The following LYPLAL1 variants were observed in gnomAD, a reference collection of about 807,000 sequenced individuals.
LYPLAL1 encodes lysophospholipase like 1.
A neutral mutation model predicts 19.7 loss-of-function variants in LYPLAL1; 23 were observed. The ratio of observed to expected loss-of-function variants is 1.17; its 90% CI spans 0.84 to 1.65. The LOEUF is 1.65. Ranked by LOEUF, LYPLAL1 falls within the 40% of genes most tolerant of loss-of-function variation. The probability of loss-of-function intolerance (pLI) is 0.00; values close to 1 mark genes in which losing one functional copy is unlikely to be tolerated. For missense variants in LYPLAL1, 355 were observed against 279.4 expected (o/e 1.27, Z -1.93); for synonymous variants, 119 against 96.3 (o/e 1.24, Z -1.38).
the LYPLAL1 span, among the ~76,000 whole-genome samples, chr1:219,258,772 G>A: frequency 2.0e-5 from 3 of 151,994 alleles, no homozygotes; most frequent in Admixed American, 1.3e-4. Context: ...AAATAGATGG[G>A]CCTTAATTAA....
chr1:219,359,449 G>T, the LYPLAL1 span, among the ~76,000 whole-genome samples: 33 of 152,192 alleles, frequency 2.2e-4, no homozygotes, highest in African/African-American at 7.9e-4. Flanking sequence ...TCAGACAAGC[G>T]GTTTTCTTGT....
At chr1:219,216,562 CTAGCGGGAACA>C (rs1412851222), downstream of LYPLAL1, among the ~76,000 whole-genome samples, 3 of 152,136 alleles carry the variant, frequency 2.0e-5, no homozygotes, top group Non-Finnish European at 4.4e-5. Flanking sequence ...TACACTATAG[CTAGCGGGAACA>C]CAAACTTCTC....
At chr1:219,260,909 A>T in the LYPLAL1 span, among the ~76,000 whole-genome samples, 1 of 151,864 alleles carries the variant, frequency 6.6e-6, no homozygotes, top group Non-Finnish European at 1.5e-5. Context: ...TTAAAAGGTG[A>T]TTCTCTTCTT....
the LYPLAL1 span, among the ~76,000 whole-genome samples, chr1:219,284,130 T>G: frequency 2.6e-5 from 4 of 152,234 alleles, no homozygotes; most frequent in Non-Finnish European, 4.4e-5. Flanking sequence ...CCTTCTGCCA[T>G]GTAAGACATG....
chr1:219,310,879 G>A, the LYPLAL1 span, among the ~76,000 whole-genome samples: 1 of 152,200 alleles, frequency 6.6e-6, no homozygotes, highest in African/African-American at 2.4e-5. Context: ...ACTCTTAGTA[G>A]CCTCCAATTC....
the LYPLAL1 span, among the ~76,000 whole-genome samples, chr1:219,232,861 A>AT: frequency 2.5e-5 from 3 of 120,000 alleles, no homozygotes; most frequent in East Asian, 3.3e-4. Context: ...GATGGCTACT[A>AT]TTTAAAAAAA....
the LYPLAL1 span, among the ~76,000 whole-genome samples, chr1:219,402,024 GA>G: frequency 6.6e-6 from 1 of 152,160 alleles, no homozygotes; most frequent in African/African-American, 2.4e-5. Context: ...ATTTCTAAGA[GA>G]AATGTACCCA....
At chr1:219,394,505 C>A in the LYPLAL1 span, among the ~76,000 whole-genome samples, 1 of 152,174 alleles carries the variant, frequency 6.6e-6, no homozygotes, top group African/African-American at 2.4e-5. Flanking sequence ...TTCTCCTAAC[C>A]CCTGGCAGCT....
chr1:219,255,641 A>C, the LYPLAL1 span, among the ~76,000 whole-genome samples: 1 of 151,836 alleles, frequency 6.6e-6, no homozygotes, highest in African/African-American at 2.4e-5. Flanking sequence ...GTTGCACAGG[A>C]GTGACAAGAG....
At chr1:219,411,995 A>G in the LYPLAL1 span, 2 of 152,670 alleles carry the variant, frequency 1.3e-5, no homozygotes, top group African/African-American at 4.8e-5. Context: ...GAATGTGCTT[A>G]GGAGAAGTAT....
At chr1:219,310,115 G>A in the LYPLAL1 span, among the ~76,000 whole-genome samples, 1 of 152,174 alleles carries the variant, frequency 6.6e-6, no homozygotes, top group Non-Finnish European at 1.5e-5. Context: ...TACTGATGGA[G>A]TGAACACTCC....
the LYPLAL1 span, among the ~76,000 whole-genome samples, chr1:219,229,275 T>C: frequency 6.9e-6 from 1 of 144,024 alleles, no homozygotes; most frequent in African/African-American, 2.7e-5. Flanking sequence ...CCCATGGACA[T>C]AGGTGAGGAC....
the LYPLAL1 span, among the ~76,000 whole-genome samples, chr1:219,383,220 A>C: frequency 6.6e-6 from 1 of 152,220 alleles, no homozygotes; most frequent in African/African-American, 2.4e-5. Flanking sequence ...TGTCCTAAGA[A>C]CATTTACTTC....
intron 3 of LYPLAL1, among the ~76,000 whole-genome samples, chr1:219,199,592 G>A (rs12117627): frequency 2.0e-5 from 3 of 150,002 alleles, no homozygotes; most frequent in African/African-American, 4.9e-5. Context: ...ACAGGCACAC[G>A]CCACCACGCC....
chr1:219,368,413 T>A, the LYPLAL1 span, among the ~76,000 whole-genome samples: 4 of 152,184 alleles, frequency 2.6e-5, no homozygotes, highest in Admixed American at 2.0e-4. Flanking sequence ...TTCCTGTATC[T>A]CCTTGGCCAG....
chr1:219,379,136 C>T, the LYPLAL1 span, among the ~76,000 whole-genome samples: 2 of 152,168 alleles, frequency 1.3e-5, no homozygotes, highest in African/African-American at 2.4e-5. Flanking sequence ...AGTATGTCTG[C>T]AACAAATGTC....
At chr1:219,256,104 TC>T in the LYPLAL1 span, among the ~76,000 whole-genome samples, 1 of 152,038 alleles carries the variant, frequency 6.6e-6, no homozygotes, top group Middle Eastern at 3.4e-3. Context: ...AGGGAAATGA[TC>T]CTTTTTTCCT....
At chr1:219,203,041 G>C (rs1658246880) in intron 3 of LYPLAL1, among the ~76,000 whole-genome samples, 1 of 151,850 alleles carries the variant, frequency 6.6e-6, no homozygotes, top group Non-Finnish European at 1.5e-5. Context: ...CAAAATGTAA[G>C]ATTGGAAAAG....
the LYPLAL1 span, among the ~76,000 whole-genome samples, chr1:219,242,659 T>A: frequency 6.6e-6 from 1 of 151,864 alleles, no homozygotes; most frequent in African/African-American, 2.4e-5. Context: ...CAAAATTGAC[T>A]CACAATGAAT....
Sources: gnomAD v4.1 joint callset for allele counts (sites outside exome capture counted in the v4.1 genomes callset) on GRCh38, gnomAD v4.1.1 for gene constraint, MANE v1.5 for transcripts, NCBI Gene and HGNC (gene_info 2026-07-23, HGNC 2026-07-21) for gene names.